The following VWA2 variants were observed in gnomAD, a reference collection of about 807,000 sequenced individuals.
VWA2 encodes the protein von Willebrand factor A domain containing 2, also known as von Willebrand factor A domain-containing protein 2.
Under a neutral mutation model 70.4 loss-of-function variants are expected in VWA2, and 73 were observed. The observed-to-expected ratio is 1.04, with a 90% CI of 0.86 to 1.26. The LOEUF is 1.26. Ranked by LOEUF, VWA2 falls within the 50% of genes most tolerant of loss-of-function variation. VWA2 has a pLI of 0.00. For missense variants in VWA2, 1,011 were observed against 998.5 expected (o/e 1.01, Z -0.17); for synonymous variants, 407 against 423.3 (o/e 0.96, Z 0.47).
chr10:114,279,766 T>C (rs1265648353), intron 8 of VWA2, among the ~76,000 whole-genome samples: 1 of 152,082 alleles, frequency 6.6e-6, no homozygotes, highest in Non-Finnish European at 1.5e-5. Context: ...AAGAAGACAG[T>C]ACAGTTGCTG....
At chr10:114,286,699 G>T (rs1312807002) in intron 11 of VWA2, among the ~76,000 whole-genome samples, 188 bp downstream of exon 11, 1 of 152,228 alleles carries the variant, frequency 6.6e-6, no homozygotes, top group Non-Finnish European at 1.5e-5. Context: ...ACTAATAGTA[G>T]TACCTCCTGA....
chr10:114,245,619 T>C (rs75663679), intron 1 of VWA2, among the ~76,000 whole-genome samples: 1,644 of 151,704 alleles, frequency 0.011, 22 homozygotes, highest in African/African-American at 0.038. Context: ...AAAAAAAAAA[T>C]GTCCTTAGGG....
At chr10:114,247,701 G>T (rs1380715773) in intron 1 of VWA2, among the ~76,000 whole-genome samples, 1 of 151,934 alleles carries the variant, frequency 6.6e-6, no homozygotes. Flanking sequence ...GTATCTTGAG[G>T]TCCAAACATC....
intron 1 of VWA2, among the ~76,000 whole-genome samples, chr10:114,243,837 A>T (rs1218500291): frequency 6.6e-6 from 1 of 152,200 alleles, no homozygotes; most frequent in Non-Finnish European, 1.5e-5. Flanking sequence ...GGCATCCTGC[A>T]GCAGACTTCA....
chr10:114,244,624 T>C (rs944586941), intron 1 of VWA2, among the ~76,000 whole-genome samples: 1 of 123,236 alleles, frequency 8.1e-6, no homozygotes, highest in Non-Finnish European at 1.7e-5. Context: ...TATTGTGGAA[T>C]TCACCCTTTA....
chr10:114,271,537 G>A (rs2037708832), intron 5 of VWA2, among the ~76,000 whole-genome samples: 1 of 152,022 alleles, frequency 6.6e-6, no homozygotes, highest in Admixed American at 6.6e-5. Context: ...CTGAGTAGCT[G>A]CTTGGAGGGG....
At chr10:114,284,369 A>G (rs1325047227) in intron 9 of VWA2, among the ~76,000 whole-genome samples, 27 of 152,216 alleles carry the variant, frequency 1.8e-4, no homozygotes, top group Non-Finnish European at 4.0e-4. Flanking sequence ...AGATGAGGAT[A>G]TGAAGATGGG....
At chr10:114,245,218 G>A (rs11594979) in intron 1 of VWA2, among the ~76,000 whole-genome samples, 23,909 of 152,114 alleles carry the variant, frequency 0.16, 2,009 homozygotes, top group Middle Eastern at 0.21. Flanking sequence ...GGGCGCCTCT[G>A]GAAAAACATG....
rs1234448640 is a variant in VWA2, at chr10:114,294,407, T to G, written c.*3170T>G. On this transcript the variant is annotated 3_prime_UTR_variant, in exon 14 of 14. Coordinates refer to ENST00000392982, the MANE Select transcript of VWA2 (RefSeq NM_001272046.2). ...TCCATTTCAGTTCTGCTATTTCATATTGCCTTAGGTTGTCTATTTGTCTCT... is the reference window on the plus strand; with the variant it reads ...TCCATTTCAGTTCTGCTATTTCATAGTGCCTTAGGTTGTCTATTTGTCTCT... Among the ~76,000 whole-genome samples, 2 of 152,232 alleles carry G rather than the reference T, an allele frequency of 1.3e-5. No homozygotes were observed. The highest frequency in any genetic ancestry group is 1.3e-4 in the Admixed American group (2 of 15,284).
At chr10:114,285,858 A>C in intron 10 of VWA2, 81 bp from the exon 11 acceptor site, 1 of 1,387,308 alleles carries the variant, frequency 7.2e-7, no homozygotes, top group Non-Finnish European at 9.6e-7. Flanking sequence ...CCCTCCTGGG[A>C]GATGTTCGGC....
chr10:114,277,425 C>T (rs1184597277), intron 6 of VWA2, among the ~76,000 whole-genome samples: 2 of 151,900 alleles, frequency 1.3e-5, no homozygotes, highest in Non-Finnish European at 2.9e-5. Context: ...CTCAAGTGAT[C>T]CACCCACCTC....
At chr10:114,288,375 T>C (rs2039165559) in intron 11 of VWA2, among the ~76,000 whole-genome samples, 1 of 152,256 alleles carries the variant, frequency 6.6e-6, no homozygotes, top group South Asian at 2.1e-4. Context: ...ACAGCAGGCA[T>C]GGGCCCATTT....
chr10:114,243,333 G>A (rs762757844), intron 1 of VWA2, among the ~76,000 whole-genome samples: 2 of 152,136 alleles, frequency 1.3e-5, no homozygotes, highest in Non-Finnish European at 2.9e-5. Flanking sequence ...TTATTTTAGG[G>A]GGAGCGTGAC....
chr10:114,241,156 C>T (rs1335145533), intron 1 of VWA2, among the ~76,000 whole-genome samples: 2 of 152,118 alleles, frequency 1.3e-5, no homozygotes, highest in Non-Finnish European at 2.9e-5. Context: ...CACAGACTCC[C>T]CCATTGTCAG....
intron 13 of VWA2, 131 bp from the exon 14 acceptor site, chr10:114,291,087 C>T: frequency 9.5e-7 from 1 of 1,052,952 alleles, no homozygotes; most frequent in Non-Finnish European, 1.4e-6. Flanking sequence ...GGTCTCTAAT[C>T]TGGCATCTTC....
At chr10:114,282,426 A>C (rs1338219166) in intron 8 of VWA2, 90 bp from the exon 9 acceptor site, 6 of 1,040,034 alleles carry the variant, frequency 5.8e-6, no homozygotes, top group African/African-American at 3.1e-5. Flanking sequence ...GGAATCTTCT[A>C]TCAGCTTTTG....
At chr10:114,263,031 T>G (rs1398554519) in intron 5 of VWA2, among the ~76,000 whole-genome samples, 1 of 152,216 alleles carries the variant, frequency 6.6e-6, no homozygotes. Flanking sequence ...GCGCTTTGTT[T>G]TTGAAGCACA....
At position 114,291,542 on chromosome 10, in the gene VWA2, T is replaced by C. The variant is rs2039598964; in HGVS notation, c.*305T>C. The C allele has an allele frequency of 2.8e-6, 1 of 361,782 alleles. No homozygotes were observed. Among genetic ancestry groups the C allele is most frequent in the Non-Finnish European group, 5.0e-6 (1 of 199,794 alleles). 22.4% of individuals were successfully genotyped at this position (361,782 alleles called of 1,614,324 possible). A position where few individuals can be genotyped will look rare whatever the true frequency, so the allele number is the denominator to read the frequency against. On this transcript the variant is annotated 3_prime_UTR_variant, in exon 14 of 14. Coordinates refer to ENST00000392982, the MANE Select transcript of VWA2 (RefSeq NM_001272046.2). ...GCTGTGCCTTGTTGAGGCTATGTCATCTGCCACCTTTCCCTTGAGGATAAA... is the reference window on the plus strand; with the variant it reads ...GCTGTGCCTTGTTGAGGCTATGTCACCTGCCACCTTTCCCTTGAGGATAAA...
chr10:114,263,497 T>C (rs2037491766), intron 5 of VWA2, among the ~76,000 whole-genome samples: 1 of 151,796 alleles, frequency 6.6e-6, no homozygotes, highest in South Asian at 2.1e-4. Flanking sequence ...CCACCACGCC[T>C]GGCTAATTTT....
Sources: allele counts gnomAD v4.1 joint callset (sites outside exome capture counted in the v4.1 genomes callset), GRCh38; gene constraint gnomAD v4.1.1; transcripts MANE v1.5; gene names NCBI Gene and HGNC (gene_info 2026-07-23, HGNC 2026-07-21).